JMJD1C: variants seen among roughly 807,000 people sequenced by gnomAD.
JMJD1C encodes the protein jumonji domain-containing protein 1C.
A neutral mutation model predicts 245.3 loss-of-function variants in JMJD1C; 31 were observed. That is an observed-to-expected ratio of 0.13 (90% CI 0.09 to 0.17). The LOEUF (loss-of-function observed/expected upper bound fraction) is 0.17, where lower values mean the gene tolerates loss of function less well. Among genes scored for constraint, JMJD1C ranks in the 10% least tolerant of loss-of-function variants. The pLI is 1.00. For missense variants in JMJD1C, 2,691 were observed against 3,000.2 expected (o/e 0.90, Z 2.41); for synonymous variants, 1,057 against 1,017.4 (o/e 1.04, Z -0.74).
At chr10:63,310,103 T>A (rs1011063414) in intron 2 of JMJD1C, among the ~76,000 whole-genome samples, 1 of 152,006 alleles carries the variant, frequency 6.6e-6, no homozygotes, top group African/African-American at 2.4e-5. Context: ...CAACAAAAAA[T>A]TTGCAAACTT....
chr10:63,449,453 G>A (rs1007872682), intron 1 of JMJD1C, among the ~76,000 whole-genome samples: 18 of 151,980 alleles, frequency 1.2e-4, no homozygotes, highest in South Asian at 2.1e-4. Context: ...AAAGTCTACT[G>A]TAACTTTATT....
chr10:63,364,934 A>G (rs1564837377), intron 2 of JMJD1C, among the ~76,000 whole-genome samples: 1 of 152,248 alleles, frequency 6.6e-6, no homozygotes, highest in African/African-American at 2.4e-5. Flanking sequence ...TTTAATCCAG[A>G]TAATTTTGGT....
intron 4 of JMJD1C, among the ~76,000 whole-genome samples, chr10:63,218,871 G>A (rs533905068): frequency 6.6e-6 from 1 of 152,142 alleles, no homozygotes; most frequent in Admixed American, 6.5e-5. Context: ...AATCTTCGAC[G>A]TTTATAAGAC....
chr10:63,209,730 A>G (rs1490926426), intron 8 of JMJD1C, among the ~76,000 whole-genome samples: 1 of 152,184 alleles, frequency 6.6e-6, no homozygotes, highest in East Asian at 1.9e-4. Context: ...ACATTTCAAA[A>G]CCCAAATGCA....
intron 3 of JMJD1C, among the ~76,000 whole-genome samples, chr10:63,224,107 T>C (rs1479830655): frequency 6.6e-6 from 1 of 152,152 alleles, no homozygotes; most frequent in Non-Finnish European, 1.5e-5. Context: ...CATTAAACAA[T>C]ATACAAATAT....
chr10:63,469,286 T>C (rs1054545648), upstream of JMJD1C, among the ~76,000 whole-genome samples: 1 of 152,246 alleles, frequency 6.6e-6, no homozygotes, highest in African/African-American at 2.4e-5. Flanking sequence ...TCAGACAGTA[T>C]ACTAAGTACT....
chr10:63,409,658 A>T (rs1264911827), intron 1 of JMJD1C, among the ~76,000 whole-genome samples: 2 of 152,218 alleles, frequency 1.3e-5, no homozygotes, highest in African/African-American at 4.8e-5. Context: ...TGACATTATC[A>T]GTGTGGCACA....
chr10:63,213,563 A>G lies in JMJD1C; in HGVS notation c.2604T>C (p.Asn868=). ...CAAGTCCTGAGTATGCATGTGTTCC[A>G]TTTGGATACTGCCAAATAATTGGAT... ...GLYPIIWQYP[N]GTHAYSGLGL... is the part of the protein sequence containing the mutation. Residue 868 remains asparagine (N), a synonymous_variant, in exon 8 of 26, where the codon AAT becomes AAC. Transcript: ENST00000399262. 6.2e-7 allele frequency: 1 copy of G among 1,614,116 alleles called. No homozygotes were observed. Among genetic ancestry groups the G allele is most frequent in the Non-Finnish European group, 8.5e-7 (1 of 1,179,936 alleles).
At chr10:63,495,860 G>GA (rs1311208224) in intron 1 of JMJD1C, among the ~76,000 whole-genome samples, 1 of 151,558 alleles carries the variant, frequency 6.6e-6, no homozygotes, top group African/African-American at 2.4e-5. Flanking sequence ...GTGAGCAGAG[G>GA]AAAAGTTCTT....
chr10:63,327,212 C>T (rs1941621030), intron 2 of JMJD1C, among the ~76,000 whole-genome samples: 1 of 152,032 alleles, frequency 6.6e-6, no homozygotes, highest in Admixed American at 6.6e-5. Flanking sequence ...AAAAACAGGA[C>T]AGCCTACAAT....
chr10:63,292,530 G>C (rs1858901255), intron 2 of JMJD1C, among the ~76,000 whole-genome samples: 1 of 151,968 alleles, frequency 6.6e-6, no homozygotes, highest in Admixed American at 6.6e-5. Flanking sequence ...AGAATTGCTT[G>C]AACCCGGGAA....
intron 17 of JMJD1C, 79 bp from the exon 18 acceptor site, chr10:63,189,525 T>G: frequency 8.1e-7 from 1 of 1,231,124 alleles, no homozygotes; most frequent in Non-Finnish European, 1.1e-6. Context: ...GACTTATTTT[T>G]TTTTAAACAA....
chr10:63,471,951 T>A (rs1002767718), intron 1 of JMJD1C, among the ~76,000 whole-genome samples: 1 of 152,078 alleles, frequency 6.6e-6, no homozygotes, highest in Non-Finnish European at 1.5e-5. Context: ...GGGAGGGGAA[T>A]CACTTGAACG....
At chr10:63,219,762 C>A in intron 4 of JMJD1C, 116 bp downstream of exon 4, 1 of 606,368 alleles carries the variant, frequency 1.6e-6, no homozygotes, top group Non-Finnish European at 3.0e-6. Context: ...ATGTATATAA[C>A]TCAAAATATT....
intron 2 of JMJD1C, among the ~76,000 whole-genome samples, chr10:63,302,109 T>C (rs1860165884): frequency 6.6e-6 from 1 of 152,164 alleles, no homozygotes; most frequent in Admixed American, 6.6e-5. Flanking sequence ...CTCGAACTCC[T>C]GGGCTCAAAC....
intron 1 of JMJD1C, among the ~76,000 whole-genome samples, chr10:63,406,304 T>C (rs931816744): frequency 5.9e-5 from 9 of 152,316 alleles, no homozygotes; most frequent in Admixed American, 5.2e-4. Context: ...AGGTCGGAAT[T>C]AGGCATGTAT....
intron 3 of JMJD1C, among the ~76,000 whole-genome samples, chr10:63,233,007 A>G (rs947044521): frequency 6.6e-6 from 1 of 152,194 alleles, no homozygotes; most frequent in Non-Finnish European, 1.5e-5. Flanking sequence ...AGTGAAAAAG[A>G]AAACTACAAT....
chr10:63,324,207 T>C (rs1174860557), intron 2 of JMJD1C, among the ~76,000 whole-genome samples: 2 of 151,884 alleles, frequency 1.3e-5, no homozygotes, highest in Non-Finnish European at 2.9e-5. Context: ...CTGGGTATCC[T>C]GTGGCCCAGT....
In JMJD1C at chr10:63,391,149, GAT is replaced by G. The variant is rs374182352; in HGVS notation, c.169-10669_169-10668del. ...ACTGATCAATTCAGTAAAGTTGCAA[GAT>G]AAAAAAATCAACAAGCAAAAATCAG... On this transcript the variant is annotated intron_variant, in intron 1 of 25. Transcript: ENST00000399262. 9.4e-4 allele frequency among the ~76,000 whole-genome samples: 143 copies of G among 152,152 alleles called. 1 individual carries two copies. Among genetic ancestry groups the G allele is most frequent in the African/African-American group, 3.1e-3 (129 of 41,498 alleles).
Sources: allele counts gnomAD v4.1 joint callset (sites outside exome capture counted in the v4.1 genomes callset), GRCh38; gene constraint gnomAD v4.1.1; transcripts MANE v1.5; gene names NCBI Gene and HGNC (gene_info 2026-07-23, HGNC 2026-07-21).